DNAJC15: variants seen among roughly 807,000 people sequenced by gnomAD.
The protein encoded by DNAJC15 is dnaJ homolog subfamily C member 15.
A neutral mutation model predicts 22.4 loss-of-function variants in DNAJC15; 27 were observed. The ratio of observed to expected loss-of-function variants is 1.20; its 90% CI spans 0.89 to 1.66. The LOEUF (loss-of-function observed/expected upper bound fraction) is 1.66, where lower values mean the gene tolerates loss of function less well. DNAJC15 is among the 40% of genes most tolerant of loss of function. The pLI is 0.00. For missense variants in DNAJC15, 208 were observed against 187.1 expected (o/e 1.11, Z -0.65); for synonymous variants, 79 against 63.2 (o/e 1.25, Z -1.19).
intron 1 of DNAJC15, among the ~76,000 whole-genome samples, chr13:43,062,970 C>A (rs965479049): frequency 4.6e-5 from 7 of 151,322 alleles, no homozygotes; most frequent in Non-Finnish European, 8.8e-5. Context: ...CCATCTACCT[C>A]GGCTTCCCAA....
Position 43,089,022 on chromosome 13 carries a change from C to T in DNAJC15, c.382+3184C>T, listed in dbSNP as rs374069237. Among the ~76,000 whole-genome samples, 6 of 152,104 alleles carry T rather than the reference C, an allele frequency of 3.9e-5. No individual in the cohort carries two copies. In the East Asian group the frequency reaches 7.7e-4, roughly 20 times the overall value. On this transcript the variant is annotated intron_variant, in intron 5 of 5. Transcript: ENST00000379221. ...TGCTGAGATCCTTAAAAGTGAAGAA[C>T]GTGGCTTACTCTTCTTTATAACTTA...
Position 43,111,423 on chromosome 13 carries a change from C to G in DNAJC15, c.*4175C>G, listed in dbSNP as rs535068711. ...CTTATGATTGATCACCCAGCAGCATCATTAGAAATAATATATTTTATTCAT... is the reference window on the plus strand; with the variant it reads ...CTTATGATTGATCACCCAGCAGCATGATTAGAAATAATATATTTTATTCAT... On this transcript the variant is annotated 3_prime_UTR_variant, in exon 6 of 6. Transcript: ENST00000379221. 1 of 152,290 alleles carries G rather than the reference C, an allele frequency of 6.6e-6. No individual in the cohort carries two copies. The highest frequency in any genetic ancestry group is 1.9e-4 in the East Asian group (1 of 5,190). 9.4% of individuals were successfully genotyped at this position (152,290 alleles called of 1,614,324 possible).
intron 1 of DNAJC15, among the ~76,000 whole-genome samples, chr13:43,038,962 CT>C (rs2153439731): frequency 6.6e-6 from 1 of 152,108 alleles, no homozygotes; most frequent in Non-Finnish European, 1.5e-5. Context: ...AAAAACCTAC[CT>C]AGTAATAAGT....
chr13:43,073,702 C>T (rs1416702584), intron 3 of DNAJC15, among the ~76,000 whole-genome samples: 2 of 152,016 alleles, frequency 1.3e-5, no homozygotes, highest in African/African-American at 2.4e-5. Flanking sequence ...TTTCTTTAAA[C>T]TTTCTGGTTT....
chr13:43,110,225 A>G lies in DNAJC15; in HGVS notation c.*2977A>G, dbSNP rs970462854. On this transcript the variant is annotated 3_prime_UTR_variant, in exon 6 of 6. Transcript: ENST00000379221. ...TTCCTCTTTACATAGGCTTCTCAAC[A>G]GGGCTACTAGAGCATCGTCACCATA... 2 of 152,208 alleles carry G rather than the reference A, an allele frequency of 1.3e-5. No individual in the cohort carries two copies. Among genetic ancestry groups the G allele is most frequent in the African/African-American group, 2.4e-5 (1 of 41,442 alleles). The allele number at this position is 152,208 out of a possible 1,614,324, so 9.4% of individuals were successfully genotyped here. A position where few individuals can be genotyped will look rare whatever the true frequency, so the allele number is the denominator to read the frequency against.
At chr13:43,054,797 G>C (rs2040521565) in intron 1 of DNAJC15, among the ~76,000 whole-genome samples, 1 of 152,128 alleles carries the variant, frequency 6.6e-6, no homozygotes, top group African/African-American at 2.4e-5. Context: ...GGGGAGAAGA[G>C]AGTCCCTGGC....
At chr13:43,032,138 G>A (rs2040406654) in intron 1 of DNAJC15, among the ~76,000 whole-genome samples, 1 of 152,244 alleles carries the variant, frequency 6.6e-6, no homozygotes, top group South Asian at 2.1e-4. Context: ...TAAAGACGGA[G>A]AGGAAGGGGC....
chr13:43,084,033 C>T (rs1410279227), intron 4 of DNAJC15, among the ~76,000 whole-genome samples: 1 of 152,206 alleles, frequency 6.6e-6, no homozygotes, highest in Non-Finnish European at 1.5e-5. Context: ...TAGCAAGGAA[C>T]TGCCAAAGAC....
At chr13:43,045,130 A>G (rs1362617364) in intron 1 of DNAJC15, among the ~76,000 whole-genome samples, 2 of 152,010 alleles carry the variant, frequency 1.3e-5, no homozygotes, top group African/African-American at 4.8e-5. Flanking sequence ...TTCCTGCTGT[A>G]TGCACACTGG....
At chr13:43,024,028 T>C (rs2040365920) in intron 1 of DNAJC15, among the ~76,000 whole-genome samples, 1 of 152,180 alleles carries the variant, frequency 6.6e-6, no homozygotes, top group Admixed American at 6.5e-5. Flanking sequence ...GTATGTGGAT[T>C]TTCCTATCTC....
intron 1 of DNAJC15, among the ~76,000 whole-genome samples, chr13:43,052,457 A>G (rs1228103794): frequency 6.7e-6 from 1 of 148,346 alleles, no homozygotes; most frequent in Non-Finnish European, 1.5e-5. Flanking sequence ...CACTCTTGTC[A>G]CTCAGGCTGG....
chr13:43,048,478 G>A (rs1361969171), intron 1 of DNAJC15, among the ~76,000 whole-genome samples: 1 of 152,262 alleles, frequency 6.6e-6, no homozygotes, highest in Non-Finnish European at 1.5e-5. Context: ...GGCAACAAGA[G>A]CAAAACTCTG....
rs2040822783 is a variant in DNAJC15, at chr13:43,111,114, T to C, written c.*3866T>C. ...AAGCTATTTAGATTTTAGTTGATGG[T>C]GCCAGTCTTCAGCGTAAAGTCAAAA... On this transcript the variant is annotated 3_prime_UTR_variant, in exon 6 of 6. Coordinates refer to ENST00000379221, the MANE Select transcript of DNAJC15 (RefSeq NM_013238.3). 1 of 152,222 alleles carries C rather than the reference T, an allele frequency of 6.6e-6. No homozygotes were observed. The highest frequency in any genetic ancestry group is 6.5e-5 in the Admixed American group (1 of 15,286). 9.4% of individuals were successfully genotyped at this position (152,222 alleles called of 1,614,324 possible).
chr13:43,085,969 A>C, intron 5 of DNAJC15, 131 bp downstream of exon 5: 2 of 728,512 alleles, frequency 2.7e-6, no homozygotes, highest in Non-Finnish European at 4.3e-6. Flanking sequence ...TTTTTTTCTC[A>C]TAAATGAGCA....
chr13:43,033,321 G>A (rs1238841688), intron 1 of DNAJC15, among the ~76,000 whole-genome samples: 1 of 152,120 alleles, frequency 6.6e-6, no homozygotes, highest in Non-Finnish European at 1.5e-5. Context: ...TGAGGCTGAG[G>A]TGGTAGGATC....
At position 43,086,943 on chromosome 13, in the gene DNAJC15, C is replaced by T. The variant is rs550505776; in HGVS notation, c.382+1105C>T. Reference sequence around the variant, plus strand: ...TAGCTGGGTGTGAAAGAATGGACTTCGGAGCAAGGGATCAGCATTTTTCTT... The same window carrying T: ...TAGCTGGGTGTGAAAGAATGGACTTTGGAGCAAGGGATCAGCATTTTTCTT... On this transcript the variant is annotated intron_variant, in intron 5 of 5. Coordinates refer to ENST00000379221, the MANE Select transcript of DNAJC15 (RefSeq NM_013238.3). Among the ~76,000 whole-genome samples, 14 of 152,248 alleles carry T rather than the reference C, an allele frequency of 9.2e-5. No individual in the cohort carries two copies. In the South Asian group the frequency reaches 1.0e-3, roughly 11 times the overall value.
intron 1 of DNAJC15, among the ~76,000 whole-genome samples, chr13:43,063,062 T>C (rs369129875): frequency 6.6e-6 from 1 of 151,958 alleles, no homozygotes; most frequent in East Asian, 1.9e-4. Context: ...CAGGCTGGAG[T>C]GCAGTGGCAC....
intron 4 of DNAJC15, among the ~76,000 whole-genome samples, chr13:43,080,220 T>TA (rs1190450139): frequency 2.0e-5 from 3 of 152,268 alleles, no homozygotes; most frequent in Middle Eastern, 3.4e-3. Context: ...GCTCCTCTCT[T>TA]ACCTCCTACC....
chr13:43,095,484 C>CT (rs1566216423), intron 5 of DNAJC15, among the ~76,000 whole-genome samples: 1 of 152,014 alleles, frequency 6.6e-6, no homozygotes, highest in Non-Finnish European at 1.5e-5. Flanking sequence ...ATAAATGACT[C>CT]TAGAGTTCAG....
Sources: gnomAD v4.1 joint callset for allele counts (sites outside exome capture counted in the v4.1 genomes callset) on GRCh38, gnomAD v4.1.1 for gene constraint, MANE v1.5 for transcripts, NCBI Gene and HGNC (gene_info 2026-07-23, HGNC 2026-07-21) for gene names.